The following ESR2 variants were observed in gnomAD, a reference collection of about 807,000 sequenced individuals.
ESR2 encodes estrogen receptor beta.
In ESR2, 36 loss-of-function variants were observed where a neutral mutation model predicts 49.6. That is an observed-to-expected ratio of 0.73 (90% CI 0.56 to 0.96). ESR2 has a LOEUF of 0.96. Among genes scored for constraint, ESR2 ranks in the 40% least tolerant of loss-of-function variants. The probability of loss-of-function intolerance (pLI) is 0.00; values close to 1 mark genes in which losing one functional copy is unlikely to be tolerated. For synonymous variants in ESR2, 320 were observed against 266.1 expected, an observed-to-expected ratio of 1.20 and a Z score of -1.97; for missense variants, 714 against 693.0, an observed-to-expected ratio of 1.03 and a Z score of -0.34.
At chr14:64,289,113 T>C (rs1305632575) in intron 1 of ESR2, among the ~76,000 whole-genome samples, 1 of 151,262 alleles carries the variant, frequency 6.6e-6, no homozygotes, top group Non-Finnish European at 1.5e-5. Flanking sequence ...CTTAGACAAA[T>C]CCACAAACTC....
At chr14:64,286,573 A>G (rs1282856286) in intron 1 of ESR2, among the ~76,000 whole-genome samples, 1 of 152,150 alleles carries the variant, frequency 6.6e-6, no homozygotes, top group African/African-American at 2.4e-5. Context: ...AAGTGCTGGG[A>G]TTACAAGCGA....
rs142084499 is a variant in ESR2 at position 64,278,416 on chromosome 14, G to T, written c.535+1565C>A. Among the ~76,000 whole-genome samples, 332 of 152,278 alleles carry T rather than the reference G, an allele frequency of 2.2e-3. 5 individuals carry two copies. Among genetic ancestry groups the T allele is most frequent in the Middle Eastern group, 3.4e-3 (1 of 294 alleles). The stretch of plus-strand genomic sequence containing the variant: ...ACATTTCACTCCTCACCATATCCTG[G>T]ATTCTATCAGTATTTCTCTGCTTAA... On this transcript the variant is annotated intron_variant, in intron 3 of 8. Coordinates refer to ENST00000341099, the MANE Select transcript of ESR2 (RefSeq NM_001437.3).
At chr14:64,296,161 A>G (rs1192774275), upstream of ESR2, among the ~76,000 whole-genome samples, 1 of 152,222 alleles carries the variant, frequency 6.6e-6, no homozygotes, top group Non-Finnish European at 1.5e-5. Context: ...ACAGGCAGAA[A>G]AAGATAGGTG....
intron 2 of ESR2, among the ~76,000 whole-genome samples, chr14:64,281,243 A>G (rs1246315701): frequency 6.6e-6 from 1 of 152,194 alleles, no homozygotes; most frequent in African/African-American, 2.4e-5. Context: ...AAGTCTAACA[A>G]GGGATCCCCA....
chr14:64,246,064 C>T (rs978593201), intron 7 of ESR2, among the ~76,000 whole-genome samples: 12 of 152,070 alleles, frequency 7.9e-5, no homozygotes, highest in South Asian at 2.1e-4. Flanking sequence ...GCTGGTGGGC[C>T]GGATGTGGTG....
chr14:64,296,685 T>C (rs2076961726), upstream of ESR2, among the ~76,000 whole-genome samples: 1 of 152,200 alleles, frequency 6.6e-6, no homozygotes, highest in East Asian at 1.9e-4. Context: ...TGTGCCAAGC[T>C]TCTGCTCTGT....
At position 64,232,248 on chromosome 14, in the gene ESR2, A is replaced by G. The variant is rs2098727957; in HGVS notation, c.*889T>C. 6.6e-6 allele frequency: 1 copy of G among 152,224 alleles called. No individual in the cohort carries two copies. Among genetic ancestry groups the G allele is most frequent in the African/African-American group, 2.4e-5 (1 of 41,458 alleles). The allele number at this position is 152,224 out of a possible 1,614,324, so 9.4% of individuals were successfully genotyped here. A position where few individuals can be genotyped will look rare whatever the true frequency, so the allele number is the denominator to read the frequency against. ...TGGCTGCTACTTATGAGGTTGTACA[A>G]GATGGAAACTGCATCCACATTGCCC... On this transcript the variant is annotated 3_prime_UTR_variant, in exon 9 of 9. Transcript: ENST00000341099.
chr14:64,304,969 T>C (rs1477625745), intron 1 of ESR2, among the ~76,000 whole-genome samples: 1 of 152,166 alleles, frequency 6.6e-6, no homozygotes, highest in Non-Finnish European at 1.5e-5. Context: ...TATTTTCTTC[T>C]AAAATATTAA....
At chr14:64,309,902 C>A (rs952876399) in intron 1 of ESR2, among the ~76,000 whole-genome samples, 1 of 151,862 alleles carries the variant, frequency 6.6e-6, no homozygotes, top group Non-Finnish European at 1.5e-5. Context: ...CTGGCTAACA[C>A]GGCAAAACGC....
chr14:64,233,465 G>C (rs536343482), intron 8 of ESR2, 142 bp from the exon 9 acceptor site: 103 of 734,402 alleles, frequency 1.4e-4, no homozygotes, highest in Middle Eastern at 1.2e-3. Context: ...TCCATGGCTC[G>C]TGCATCCAGC....
chr14:64,237,860 G>T (rs2075638636), intron 7 of ESR2, among the ~76,000 whole-genome samples: 1 of 152,222 alleles, frequency 6.6e-6, no homozygotes, highest in African/African-American at 2.4e-5. Context: ...ATTAGTGGTT[G>T]CCTAGGGCTG....
chr14:64,227,791 G>A (rs1454198734), downstream of ESR2: 5 of 1,547,586 alleles, frequency 3.2e-6, no homozygotes, highest in African/African-American at 5.5e-5. Flanking sequence ...AAAGCTCAGT[G>A]TATTCCCAAA....
chr14:64,334,203 A>G (rs1176019711), intron 1 of ESR2, among the ~76,000 whole-genome samples: 2 of 152,348 alleles, frequency 1.3e-5, no homozygotes, highest in East Asian at 3.9e-4. Flanking sequence ...GAGTGTGTTC[A>G]GTCTTCTCAC....
At chr14:64,282,493 G>A (rs1333982017) in intron 2 of ESR2, 131 bp downstream of exon 2, 11 of 934,614 alleles carry the variant, frequency 1.2e-5, no homozygotes, top group Non-Finnish European at 1.7e-5. Context: ...CCTGTGTTTT[G>A]GGTGCTGTAA....
chr14:64,304,983 C>A lies in ESR2; in HGVS notation c.-90-21908G>T, dbSNP rs149208790. 6.1e-3 allele frequency among the ~76,000 whole-genome samples: 923 copies of A among 152,126 alleles called. 12 individuals carry two copies. Among genetic ancestry groups the A allele is most frequent in the African/African-American group, 0.021 (885 of 41,516 alleles). ...CTATTTTCTTCTAAAATATTAAAAG[C>A]AAACTGCTTATAAAAATTAATAGGC... On this transcript the variant is annotated intron_variant, in intron 1 of 8. Coordinates refer to the ESR2 transcript ENST00000358599.
chr14:64,290,086 G>T (rs934963632), intron 1 of ESR2, among the ~76,000 whole-genome samples: 1 of 152,054 alleles, frequency 6.6e-6, no homozygotes, highest in South Asian at 2.1e-4. Flanking sequence ...TTTTTGGGGG[G>T]TGGGGGTTAT....
rs764681422 is a variant in ESR2, at chr14:64,282,614, C to T, written c.362+10G>A. 3 of 1,578,656 alleles carry T rather than the reference C, an allele frequency of 1.9e-6. No individual in the cohort carries two copies. The highest frequency in any genetic ancestry group is 3.5e-5 in the Admixed American group (2 of 56,766). ...TAGCAACTATAATTCAGAATGAAGA[C>T]TGGACTTACCTGTTTACAGGTAAGG... On this transcript the variant is annotated intron_variant, in intron 2 of 8. Coordinates refer to ENST00000341099, the MANE Select transcript of ESR2 (RefSeq NM_001437.3).
In ESR2 at chr14:64,246,699, T is replaced by G. The variant is rs569679888; in HGVS notation, c.1225+2847A>C. Among the ~76,000 whole-genome samples, 13 of 113,452 alleles carry G rather than the reference T, an allele frequency of 1.1e-4. No individual in the cohort carries two copies. In the East Asian group the frequency reaches 4.1e-3, roughly 35 times the overall value. The allele number at this position is 113,452 out of a possible 152,430, so 74.4% of individuals were successfully genotyped here. A position where few individuals can be genotyped will look rare whatever the true frequency, so the allele number is the denominator to read the frequency against. On this transcript the variant is annotated intron_variant, in intron 7 of 8. Transcript: ENST00000341099. Reference sequence around the variant, plus strand: ...GTGAGCCAAGATTCCACCACTGCACTCCACTCTAGCCTGGCCAACACAGGA... The same window carrying G: ...GTGAGCCAAGATTCCACCACTGCACGCCACTCTAGCCTGGCCAACACAGGA...
At chr14:64,269,579 A>G (rs1017775640) in intron 3 of ESR2, among the ~76,000 whole-genome samples, 8 of 152,126 alleles carry the variant, frequency 5.3e-5, no homozygotes, top group Admixed American at 2.0e-4. Flanking sequence ...TGCTGCTCCA[A>G]CAGTTTGGCT....
Sources: gnomAD v4.1 joint callset for allele counts (sites outside exome capture counted in the v4.1 genomes callset) on GRCh38, gnomAD v4.1.1 for gene constraint, MANE v1.5 for transcripts, NCBI Gene and HGNC (gene_info 2026-07-23, HGNC 2026-07-21) for gene names.